Variants in KHDRBS3 observed in about 807,000 individuals in gnomAD.
The protein encoded by KHDRBS3 is KH RNA binding domain containing, signal transduction associated 3.
Under a neutral mutation model 45.6 loss-of-function variants are expected in KHDRBS3, and 23 were observed. That is an observed-to-expected ratio of 0.50 (90% CI 0.36 to 0.72). KHDRBS3 has a LOEUF of 0.72. KHDRBS3 is among the 30% of genes least tolerant of loss of function. The pLI is 0.00. For missense variants in KHDRBS3, 352 were observed against 424.8 expected (o/e 0.83, Z 1.51); for synonymous variants, 162 against 156.5 (o/e 1.04, Z -0.26).
chr8:135,515,895 A>C (rs12676517), intron 1 of KHDRBS3, among the ~76,000 whole-genome samples: 1 of 152,056 alleles, frequency 6.6e-6, no homozygotes, highest in Non-Finnish European at 1.5e-5. Context: ...ATAGATAACT[A>C]GTTTCTTATA....
chr8:135,529,141 G>A (rs867206452), intron 2 of KHDRBS3, among the ~76,000 whole-genome samples: 8 of 152,300 alleles, frequency 5.3e-5, no homozygotes, highest in African/African-American at 1.7e-4. Context: ...GAAACTGGTT[G>A]GCGCATAATG....
intron 6 of KHDRBS3, among the ~76,000 whole-genome samples, chr8:135,596,283 A>T (rs1483091443): frequency 6.6e-6 from 1 of 152,204 alleles, no homozygotes; most frequent in Non-Finnish European, 1.5e-5. Flanking sequence ...CAATTTCTAA[A>T]GAAGGTAGGT....
At chr8:135,573,260 C>T (rs1260496990) in intron 5 of KHDRBS3, among the ~76,000 whole-genome samples, 1 of 152,150 alleles carries the variant, frequency 6.6e-6, no homozygotes, top group African/African-American at 2.4e-5. Flanking sequence ...ACCTGCTGTA[C>T]GTGGCTGCTT....
rs557840289 is a variant in KHDRBS3 at position 135,655,596 on chromosome 8, C to T, written c.*118-630C>T. 3.3e-5 allele frequency among the ~76,000 whole-genome samples: 5 copies of T among 152,262 alleles called. No homozygotes were observed. The South Asian group carries it at 6.2e-4, about 19-fold the overall frequency. ...AAGGGGCTGGGTCCTATGGAGCCAT[C>T]GGCGATGTCCTGAGTTGTTTTGAGC... On this transcript the variant is annotated intron_variant and NMD_transcript_variant, in intron 4 of 4. Transcript: ENST00000521461.
intron 2 of KHDRBS3, among the ~76,000 whole-genome samples, chr8:135,529,531 G>A (rs575135259): frequency 3.6e-3 from 542 of 151,632 alleles, no homozygotes; most frequent in Non-Finnish European, 6.0e-3. Context: ...CAGTAAAATT[G>A]AAACTTAAAG....
At chr8:135,554,142 A>G (rs1213345265) in intron 4 of KHDRBS3, among the ~76,000 whole-genome samples, 4 of 151,982 alleles carry the variant, frequency 2.6e-5, no homozygotes, top group Non-Finnish European at 2.9e-5. Context: ...CAAATTCCAT[A>G]TTTCTTTCCC....
intron 4 of KHDRBS3, among the ~76,000 whole-genome samples, chr8:135,551,202 T>C (rs1826580080): frequency 6.6e-6 from 1 of 152,092 alleles, no homozygotes; most frequent in Non-Finnish European, 1.5e-5. Flanking sequence ...TAAAGACAAC[T>C]TAACTAGTTC....
intron 1 of KHDRBS3, among the ~76,000 whole-genome samples, chr8:135,464,756 A>G (rs191935525): frequency 6.6e-6 from 1 of 152,260 alleles, no homozygotes; most frequent in East Asian, 1.9e-4. Flanking sequence ...AGAGTAAGTC[A>G]TTTTACCTTA....
chr8:135,655,486 G>A (rs943120156), intron 4 of KHDRBS3, among the ~76,000 whole-genome samples: 5 of 152,228 alleles, frequency 3.3e-5, no homozygotes, highest in African/African-American at 7.2e-5. Context: ...ATGAAATGGC[G>A]TCATGTGTTT....
At chr8:135,523,581 C>T (rs1447317399) in intron 2 of KHDRBS3, among the ~76,000 whole-genome samples, 1 of 152,128 alleles carries the variant, frequency 6.6e-6, no homozygotes, top group Non-Finnish European at 1.5e-5. Flanking sequence ...TTTCCAGTTT[C>T]TATGCATCTT....
chr8:135,586,581 G>T (rs958861017), intron 6 of KHDRBS3, among the ~76,000 whole-genome samples: 1 of 152,078 alleles, frequency 6.6e-6, no homozygotes, highest in Non-Finnish European at 1.5e-5. Context: ...TGAACAAAGC[G>T]CTACTAATAC....
intron 6 of KHDRBS3, among the ~76,000 whole-genome samples, chr8:135,584,147 C>G (rs562423080): frequency 2.5e-4 from 38 of 152,320 alleles, no homozygotes; most frequent in African/African-American, 8.9e-4. Flanking sequence ...CCCACACTCA[C>G]TCATGCCTGG....
intron 7 of KHDRBS3, among the ~76,000 whole-genome samples, chr8:135,609,842 G>A (rs530417146): frequency 5.3e-5 from 8 of 151,864 alleles, no homozygotes; most frequent in African/African-American, 1.9e-4. Flanking sequence ...ACAATATAGT[G>A]ATGTTTATGG....
rs539792875 is a variant in KHDRBS3, at chr8:135,592,558, A to G, written c.807+10485A>G. Among the ~76,000 whole-genome samples, 10 of 152,356 alleles carry G rather than the reference A, an allele frequency of 6.6e-5. No individual in the cohort carries two copies. The South Asian group carries it at 2.1e-3, about 32-fold the overall frequency. On this transcript the variant is annotated intron_variant, in intron 6 of 8. Coordinates refer to ENST00000355849, the MANE Select transcript of KHDRBS3 (RefSeq NM_006558.3). ...GTTTTACAGTTTTCAACCAGCATTC[A>G]TAGAACACGGTCTCTGCCTTTAAGT...
At chr8:135,576,354 A>G (rs1258984246) in intron 5 of KHDRBS3, among the ~76,000 whole-genome samples, 1 of 152,208 alleles carries the variant, frequency 6.6e-6, no homozygotes, top group Admixed American at 6.5e-5. Flanking sequence ...AATATCTACA[A>G]AAATTATCTG....
At chr8:135,597,730 A>G (rs1467361076) in intron 6 of KHDRBS3, among the ~76,000 whole-genome samples, 1 of 152,198 alleles carries the variant, frequency 6.6e-6, no homozygotes, top group African/African-American at 2.4e-5. Flanking sequence ...GCTTCCCAGG[A>G]TAGATGGAAA....
At chr8:135,466,492 C>T (rs1375746121) in intron 1 of KHDRBS3, among the ~76,000 whole-genome samples, 2 of 152,176 alleles carry the variant, frequency 1.3e-5, no homozygotes, top group African/African-American at 4.8e-5. Flanking sequence ...TTAGGATAGT[C>T]TGACTTACGG....
chr8:135,587,081 G>A (rs373853571), intron 6 of KHDRBS3, among the ~76,000 whole-genome samples: 2 of 152,120 alleles, frequency 1.3e-5, no homozygotes, highest in African/African-American at 4.8e-5. Flanking sequence ...TTTAGAAAAC[G>A]TACTGTTAGC....
chr8:135,592,235 GT>G (rs988679147), intron 6 of KHDRBS3, among the ~76,000 whole-genome samples: 12 of 147,354 alleles, frequency 8.1e-5, no homozygotes, highest in South Asian at 2.2e-4. Context: ...GAGTATGGAA[GT>G]TTTTTTTTTG....
Sources: gnomAD v4.1 joint callset for allele counts (sites outside exome capture counted in the v4.1 genomes callset) on GRCh38, gnomAD v4.1.1 for gene constraint, MANE v1.5 for transcripts, NCBI Gene and HGNC (gene_info 2026-07-23, HGNC 2026-07-21) for gene names.